The following GALNTL6 variants were observed in gnomAD, a reference collection of about 807,000 sequenced individuals.
The protein encoded by GALNTL6 is polypeptide N-acetylgalactosaminyltransferase like 6, also known as polypeptide N-acetylgalactosaminyltransferase-like 6.
Under a neutral mutation model 73.7 loss-of-function variants are expected in GALNTL6, and 46 were observed. The observed-to-expected ratio is 0.62, with a 90% CI of 0.49 to 0.80. The LOEUF (loss-of-function observed/expected upper bound fraction) is 0.80. GALNTL6 is among the 30% of genes least tolerant of loss of function. GALNTL6 has a pLI of 0.00. For synonymous variants in GALNTL6, 259 were observed against 263.7 expected, an observed-to-expected ratio of 0.98 and a Z score of 0.17; for missense variants, 604 against 755.0, an observed-to-expected ratio of 0.80 and a Z score of 2.34.
chr4:172,942,339 T>C (rs1748955770), intron 9 of GALNTL6, among the ~76,000 whole-genome samples: 1 of 152,322 alleles, frequency 6.6e-6, no homozygotes, highest in South Asian at 2.1e-4. Context: ...TATAGCACCT[T>C]TTAGTTCAAC....
intron 5 of GALNTL6, among the ~76,000 whole-genome samples, chr4:172,527,167 G>A (rs1257943842): frequency 6.6e-6 from 1 of 152,126 alleles, no homozygotes; most frequent in African/African-American, 2.4e-5. Context: ...CTTTGCACCT[G>A]AGGTAAAGGA....
chr4:171,973,774 A>G (rs1194699601), intron 2 of GALNTL6, among the ~76,000 whole-genome samples: 1 of 152,212 alleles, frequency 6.6e-6, no homozygotes, highest in Non-Finnish European at 1.5e-5. Context: ...TTCAGTAAAT[A>G]ATAATTATTG....
At chr4:172,311,870 T>C (rs1740376726) in intron 4 of GALNTL6, 118 bp downstream of exon 4, 1 of 725,510 alleles carries the variant, frequency 1.4e-6, no homozygotes, top group Non-Finnish European at 2.1e-6. Flanking sequence ...CCTAATAATT[T>C]TGATAAAAAC....
chr4:173,024,179 T>C (rs1244813625), intron 12 of GALNTL6, among the ~76,000 whole-genome samples: 1 of 152,190 alleles, frequency 6.6e-6, no homozygotes, highest in African/African-American at 2.4e-5. Flanking sequence ...AAGGGGAAAC[T>C]CTTATGAGCT....
At chr4:172,899,467 C>T (rs764668731) in intron 8 of GALNTL6, among the ~76,000 whole-genome samples, 5 of 142,080 alleles carry the variant, frequency 3.5e-5, no homozygotes, top group South Asian at 2.1e-4. Flanking sequence ...AATTTACTAA[C>T]GTCTTTTGGG....
chr4:172,735,531 G>A (rs1407520260), intron 5 of GALNTL6, among the ~76,000 whole-genome samples: 1 of 152,168 alleles, frequency 6.6e-6, no homozygotes, highest in Non-Finnish European at 1.5e-5. Flanking sequence ...TGAGAACTTG[G>A]ACTGTGGGCT....
At chr4:172,803,969 A>G (rs1228368992) in intron 5 of GALNTL6, among the ~76,000 whole-genome samples, 1 of 152,204 alleles carries the variant, frequency 6.6e-6, no homozygotes, top group African/African-American at 2.4e-5. Flanking sequence ...GTGTTCTACT[A>G]GGACACGAAG....
chr4:172,030,570 TGTG>T (rs1391761152), intron 2 of GALNTL6, among the ~76,000 whole-genome samples: 2 of 151,678 alleles, frequency 1.3e-5, no homozygotes, highest in East Asian at 2.0e-4. Flanking sequence ...ATTAGCCAGG[TGTG>T]GTGGTGCACA....
chr4:172,265,066 G>C (rs374263333), intron 3 of GALNTL6, among the ~76,000 whole-genome samples: 3 of 151,774 alleles, frequency 2.0e-5, no homozygotes, highest in East Asian at 3.9e-4. Flanking sequence ...GCTACTTTTA[G>C]GGGTTTTCAA....
chr4:172,063,525 C>T (rs528087688), intron 2 of GALNTL6, among the ~76,000 whole-genome samples: 1 of 152,002 alleles, frequency 6.6e-6, no homozygotes, highest in African/African-American at 2.4e-5. Context: ...GTATATGACT[C>T]TAAACAAAGT....
chr4:172,705,258 C>T (rs1734272655), intron 5 of GALNTL6, among the ~76,000 whole-genome samples: 1 of 148,712 alleles, frequency 6.7e-6, no homozygotes, highest in South Asian at 2.1e-4. Context: ...TCTCATTCTT[C>T]TTTTCTTACT....
At chr4:172,620,066 T>C (rs908867315) in intron 5 of GALNTL6, among the ~76,000 whole-genome samples, 3 of 152,214 alleles carry the variant, frequency 2.0e-5, no homozygotes, top group African/African-American at 7.2e-5. Context: ...AACAGCACTG[T>C]CACAGTTTTC....
intron 5 of GALNTL6, among the ~76,000 whole-genome samples, chr4:172,763,569 T>A (rs1214616164): frequency 6.6e-6 from 1 of 152,224 alleles, no homozygotes; most frequent in Non-Finnish European, 1.5e-5. Flanking sequence ...AATAATTACC[T>A]TGTATAAACA....
At chr4:172,402,187 G>A (rs1488376790) in intron 5 of GALNTL6, among the ~76,000 whole-genome samples, 1 of 151,932 alleles carries the variant, frequency 6.6e-6, no homozygotes, top group Non-Finnish European at 1.5e-5. Flanking sequence ...ACTCTCATTT[G>A]GGAGCTTTAG....
intron 3 of GALNTL6, among the ~76,000 whole-genome samples, chr4:172,239,855 A>G (rs1399312777): frequency 2.0e-5 from 3 of 152,172 alleles, no homozygotes; most frequent in African/African-American, 7.2e-5. Flanking sequence ...CCATTTGATC[A>G]AGTGTTGAGT....
intron 7 of GALNTL6, among the ~76,000 whole-genome samples, chr4:172,837,538 A>G (rs1742973673): frequency 6.6e-6 from 1 of 152,252 alleles, no homozygotes; most frequent in Non-Finnish European, 1.5e-5. Flanking sequence ...TTAGATACAT[A>G]GAGAAGGCAT....
At chr4:172,342,838 C>A (rs980744747) in intron 4 of GALNTL6, among the ~76,000 whole-genome samples, 18 of 152,192 alleles carry the variant, frequency 1.2e-4, no homozygotes, top group African/African-American at 4.3e-4. Context: ...GGCCCCTGGG[C>A]TGCATGACTA....
intron 5 of GALNTL6, among the ~76,000 whole-genome samples, chr4:172,559,256 G>A (rs961419885): frequency 2.6e-4 from 40 of 151,682 alleles, no homozygotes; most frequent in Admixed American, 7.2e-4. Flanking sequence ...AGTAGAGACG[G>A]GGTTTCACCA....
chr4:172,379,783 A>T (rs1743207135), intron 5 of GALNTL6, among the ~76,000 whole-genome samples: 1 of 152,148 alleles, frequency 6.6e-6, no homozygotes, highest in Non-Finnish European at 1.5e-5. Flanking sequence ...AAAAGCAGAG[A>T]GGGGCCACTG....
Sources: allele counts gnomAD v4.1 joint callset (sites outside exome capture counted in the v4.1 genomes callset), GRCh38; gene constraint gnomAD v4.1.1; transcripts MANE v1.5; gene names NCBI Gene and HGNC (gene_info 2026-07-23, HGNC 2026-07-21).